GDF5: variants seen among roughly 807,000 people sequenced by gnomAD.
GDF5 encodes the protein growth differentiation factor 5, also known as growth/differentiation factor 5.
Under a neutral mutation model 34.6 loss-of-function variants are expected in GDF5, and 17 were observed. That is an observed-to-expected ratio of 0.49 (90% confidence interval 0.34 to 0.74). GDF5 has a LOEUF of 0.74. Ranked by LOEUF, GDF5 falls within the 30% of genes least tolerant of loss-of-function variation. The pLI, the probability that GDF5 is intolerant of heterozygous loss-of-function variation, is 0.01. For synonymous variants in GDF5, 332 were observed against 290.7 expected (o/e 1.14, Z -1.44); for missense variants, 616 against 661.2 (o/e 0.93, Z 0.75).
intron 1 of GDF5, among the ~76,000 whole-genome samples, chr20:35,446,294 G>A (rs893779770): frequency 6.6e-6 from 1 of 151,884 alleles, no homozygotes; most frequent in Non-Finnish European, 1.5e-5. Flanking sequence ...TGGGCAACAA[G>A]AGCGAAACTC....
intron 1 of GDF5, among the ~76,000 whole-genome samples, chr20:35,444,794 C>T (rs1017387569): frequency 5.3e-5 from 8 of 152,048 alleles, no homozygotes; most frequent in African/African-American, 1.9e-4. Flanking sequence ...AGGTTTTCAC[C>T]ATGTTGGCCA....
At chr20:35,451,088 T>TATATATATATATATAC (rs2062531762) in intron 1 of GDF5, among the ~76,000 whole-genome samples, 1 of 131,452 alleles carries the variant, frequency 7.6e-6, no homozygotes, top group Non-Finnish European at 1.7e-5. Context: ...TATATATATA[T>TATATATATATATATAC]ATATACACAA....
intron 1 of GDF5, among the ~76,000 whole-genome samples, chr20:35,452,854 CTG>C (rs751112832): frequency 1.5e-4 from 23 of 152,228 alleles, no homozygotes; most frequent in Non-Finnish European, 2.9e-4. Flanking sequence ...GTGTGTAAGA[CTG>C]TGCTAAATCC....
Position 35,434,131 on chromosome 20 carries a change from G to T in GDF5, c.1284C>A (p.His428Gln), listed in dbSNP as rs780331800. 6 of 1,614,208 alleles carry T rather than the reference G, an allele frequency of 3.7e-6. No individual in the cohort carries two copies. Among genetic ancestry groups the T allele is most frequent in the Non-Finnish European group, 5.1e-6 (6 of 1,180,032 alleles). Residue 428 changes from histidine (H) to glutamine (Q), a missense_variant, in exon 2 of 2, where the codon CAC (histidine) becomes CAA (glutamine). By Grantham distance (24) the His-to-Gln change is conservative. Transcript: ENST00000374369. ...IIAPLEYEAFHCEGLCEFPLR... is the reference protein window; with the variant it reads ...IIAPLEYEAFQCEGLCEFPLR... ...ATGGGAACTCGCACAGCCCCTCGCA[G>T]TGGAAAGCCTCGTACTCAAGGGGTG...
In GDF5 at chr20:35,438,103, G is replaced by T; in HGVS notation, c.-175C>A. Reference sequence around the variant, plus strand: ...GAGACTCTTGAAGTCTGCCGGGTGTGTGTTTGTATCCAGTCCCATAGTGGA... The same window carrying T: ...GAGACTCTTGAAGTCTGCCGGGTGTTTGTTTGTATCCAGTCCCATAGTGGA... On this transcript the variant is annotated 5_prime_UTR_variant, in exon 1 of 2. Coordinates refer to ENST00000374369, the MANE Select transcript of GDF5 (RefSeq NM_000557.5). 1 of 713,634 alleles carries T rather than the reference G, an allele frequency of 1.4e-6. No homozygotes were observed. The highest frequency in any genetic ancestry group is 2.4e-6 in the Non-Finnish European group (1 of 413,988). The allele number at this position is 713,634 out of a possible 1,614,324, so 44.2% of individuals were successfully genotyped here.
rs557094558 is a variant in GDF5 at position 35,446,742 on chromosome 20, C to T, written c.-397-5355G>A. 2.9e-3 allele frequency among the ~76,000 whole-genome samples: 449 copies of T among 152,214 alleles called. 4 individuals carry two copies. The highest frequency in any genetic ancestry group is 4.1e-3 in the Non-Finnish European group (282 of 68,010). ...ACAAGTTCACACAGCTAAAGACGAC[C>T]GAGCTAGAATTCAACCCAAGACCCT... On this transcript the variant is annotated intron_variant, in intron 1 of 3. Coordinates refer to the GDF5 transcript ENST00000374372.
At chr20:35,441,441 T>C (rs1375437978), upstream of GDF5, 1 of 151,692 alleles carries the variant, frequency 6.6e-6, no homozygotes, top group East Asian at 1.9e-4. Context: ...TTAATGGCAA[T>C]TGTTAATGAT....
rs1355350453 is a variant in GDF5 at position 35,433,430 on chromosome 20, C to T, written c.*479G>A. The T allele has an allele frequency of 6.2e-6, 2 of 323,546 alleles. No homozygotes were observed. The allele number at this position is 323,546 out of a possible 1,614,324, so 20.0% of individuals were successfully genotyped here. On this transcript the variant is annotated 3_prime_UTR_variant, in exon 2 of 2. Coordinates refer to ENST00000374369, the MANE Select transcript of GDF5 (RefSeq NM_000557.5). The stretch of plus-strand genomic sequence containing the variant: ...CAGCCTCACACTCCTCAACTCTATC[C>T]AAGCCCTCTCCTCTTCTCTCCCACT...
At chr20:35,453,393 G>A (rs1011199161) in intron 1 of GDF5, among the ~76,000 whole-genome samples, 20 of 152,222 alleles carry the variant, frequency 1.3e-4, no homozygotes, top group Admixed American at 1.1e-3. Flanking sequence ...AGAGCTGGGG[G>A]AAAAGTGGTC....
Position 35,437,464 on chromosome 20 carries a change from T to TG in GDF5, c.464dup (p.Arg156ThrfsTer29). 6.2e-7 allele frequency: 1 copy of TG among 1,613,972 alleles called. No homozygotes were observed. Among genetic ancestry groups the TG allele is most frequent in the Non-Finnish European group, 8.5e-7 (1 of 1,179,908 alleles). On this transcript the variant is annotated frameshift_variant, in exon 1 of 2. Transcript: ENST00000374369. LOFTEE classifies it high-confidence loss of function. The stretch of plus-strand genomic sequence containing the variant: ...GGCGAAACGGCTCCTTGGGCTCTCG[T>TG]GGGGGCCCGGGCTCCCTGGCCTTCT...
Position 35,444,615 on chromosome 20 carries a change from A to G in GDF5, c.-397-3228T>C, listed in dbSNP as rs183912676. ...TTTCTTTTTCTTTTGTTTTTTTGAG[A>G]CAAGAGTCTTGCTCTGTTGCCCATG... On this transcript the variant is annotated intron_variant, in intron 1 of 3. Coordinates refer to the GDF5 transcript ENST00000374372. Among the ~76,000 whole-genome samples the G allele has an allele frequency of 1.6e-3, 242 of 152,046 alleles. 1 individual carries two copies. The highest frequency in any genetic ancestry group is 5.5e-3 in the African/African-American group (227 of 41,508).
chr20:35,433,903 G>T lies in GDF5; in HGVS notation c.*6C>A, dbSNP rs202038821. Reference sequence around the variant, plus strand: ...TGCCACCCAGGAAGACAGAGGGCCAGTGCTGCTACCTGCAGCCACACGACT... The same window carrying T: ...TGCCACCCAGGAAGACAGAGGGCCATTGCTGCTACCTGCAGCCACACGACT... On this transcript the variant is annotated 3_prime_UTR_variant, in exon 2 of 2. Coordinates refer to ENST00000374369, the MANE Select transcript of GDF5 (RefSeq NM_000557.5). 138 of 1,611,722 alleles carry T rather than the reference G, an allele frequency of 8.6e-5. 1 individual carries two copies. The highest frequency in any genetic ancestry group is 3.3e-5 in the Non-Finnish European group (39 of 1,177,814).
chr20:35,439,644 C>T (rs1453409619), upstream of GDF5, among the ~76,000 whole-genome samples: 4 of 152,140 alleles, frequency 2.6e-5, no homozygotes, highest in Admixed American at 2.0e-4. Context: ...GGGGAACCTT[C>T]GCCGTAGAGC....
chr20:35,443,169 G>A (rs2062503487), upstream of GDF5, among the ~76,000 whole-genome samples: 1 of 152,136 alleles, frequency 6.6e-6, no homozygotes, highest in Admixed American at 6.5e-5. Context: ...GGAGCCCAGG[G>A]TTCCTGCCTG....
intron 1 of GDF5, among the ~76,000 whole-genome samples, chr20:35,451,982 G>A (rs910585377): frequency 2.0e-5 from 3 of 152,152 alleles, no homozygotes; most frequent in Admixed American, 6.6e-5. Flanking sequence ...GCAGATAAGC[G>A]AGCATTACCA....
At chr20:35,451,339 GCAGGGAC>G (rs1308044893) in intron 1 of GDF5, among the ~76,000 whole-genome samples, 3 of 151,688 alleles carry the variant, frequency 2.0e-5, no homozygotes, top group South Asian at 2.1e-4. Context: ...CCCTCACCTG[GCAGGGAC>G]CAGGGTTGAT....
chr20:35,439,335 C>T (rs1007074067), upstream of GDF5, among the ~76,000 whole-genome samples: 26 of 150,710 alleles, frequency 1.7e-4, no homozygotes, highest in African/African-American at 6.1e-4. Context: ...TCACGCCATT[C>T]CCCTGCCTCA....
At chr20:35,440,834 A>C (rs1207043472), upstream of GDF5, among the ~76,000 whole-genome samples, 1 of 152,206 alleles carries the variant, frequency 6.6e-6, no homozygotes, top group Non-Finnish European at 1.5e-5. Context: ...TCTTTGAATT[A>C]TACCCAGTGC....
At chr20:35,453,571 T>C (rs1568739641) in intron 1 of GDF5, among the ~76,000 whole-genome samples, 1 of 152,228 alleles carries the variant, frequency 6.6e-6, no homozygotes, top group Non-Finnish European at 1.5e-5. Context: ...CCACTGCTTC[T>C]TTGCATCGTT....
Sources: allele counts gnomAD v4.1 joint callset (sites outside exome capture counted in the v4.1 genomes callset), GRCh38; gene constraint gnomAD v4.1.1; transcripts MANE v1.5; gene names NCBI Gene and HGNC (gene_info 2026-07-23, HGNC 2026-07-21).